LRRC28: variants seen among roughly 807,000 people sequenced by gnomAD.
LRRC28 encodes the protein leucine rich repeat containing 28.
Under a neutral mutation model 45.7 loss-of-function variants are expected in LRRC28, and 39 were observed. The ratio of observed to expected loss-of-function variants is 0.85; its 90% CI spans 0.66 to 1.12. The LOEUF (loss-of-function observed/expected upper bound fraction) is 1.12. Among genes scored for constraint, LRRC28 ranks in the 50% most tolerant of loss-of-function variants. The pLI is 0.00. For missense variants in LRRC28, 435 were observed against 438.5 expected (o/e 0.99, Z 0.07); for synonymous variants, 206 against 178.8 (o/e 1.15, Z -1.22).
chr15:99,263,086 G>A (rs1226505067), intron 2 of LRRC28, among the ~76,000 whole-genome samples: 1 of 150,536 alleles, frequency 6.6e-6, no homozygotes, highest in African/African-American at 2.4e-5. Context: ...GAGGCAGGCG[G>A]ATCACTTGAG....
rs1331909203 is a variant in LRRC28, at chr15:99,287,282, G to C, written c.235G>C (p.Val79Leu). The C allele has an allele frequency of 1.3e-6, 2 of 1,567,002 alleles. No individual in the cohort carries two copies. Among genetic ancestry groups the C allele is most frequent in the Non-Finnish European group, 1.7e-6 (2 of 1,159,496 alleles). The stretch of plus-strand genomic sequence containing the variant: ...ATACCTGCACTCAAATAACATAGTT[G>C]TGGTTCCGGAAGGTATGTTTAACTT... Reference protein sequence around the residue: ...ELYLHSNNIVVVPEAIGSLVK... With the variant: ...ELYLHSNNIVLVPEAIGSLVK... Residue 79 changes from valine to leucine, a missense_variant, in exon 4 of 10, where the codon GTG (valine) becomes CTG (leucine). Val to Leu is a conservative substitution (Grantham distance 32). Transcript: ENST00000301981.
intron 9 of LRRC28, among the ~76,000 whole-genome samples, chr15:99,385,310 T>TG (rs1000068749): frequency 6.6e-6 from 1 of 152,230 alleles, no homozygotes; most frequent in African/African-American, 2.4e-5. Flanking sequence ...CGGACTGTGT[T>TG]GGGGGTGAGG....
intron 2 of LRRC28, among the ~76,000 whole-genome samples, chr15:99,276,198 G>A (rs2152174418): frequency 6.6e-6 from 1 of 151,958 alleles, no homozygotes; most frequent in African/African-American, 2.4e-5. Context: ...ATGGTGAGTT[G>A]TATAATTATT....
At position 99,295,911 on chromosome 15, in the gene LRRC28, T is replaced by C. The variant is rs575200918; in HGVS notation, c.385+7960T>C. 1.8e-4 allele frequency among the ~76,000 whole-genome samples: 27 copies of C among 152,348 alleles called. No homozygotes were observed. The South Asian group carries it at 5.6e-3, about 32-fold the overall frequency. ...AATTTACTTTTTCTCCAGTTGAACC[T>C]CTGTAGGTTTATTGGAATGAAATTT... On this transcript the variant is annotated intron_variant, in intron 5 of 9. Transcript: ENST00000301981.
intron 5 of LRRC28, among the ~76,000 whole-genome samples, chr15:99,289,671 C>T (rs2082056561): frequency 1.3e-5 from 2 of 151,934 alleles, no homozygotes; most frequent in Admixed American, 6.6e-5. Context: ...CGGTGGCTCA[C>T]GCCTGTAATC....
At chr15:99,298,778 G>C (rs1455962060) in intron 5 of LRRC28, among the ~76,000 whole-genome samples, 1 of 152,062 alleles carries the variant, frequency 6.6e-6, no homozygotes, top group Non-Finnish European at 1.5e-5. Flanking sequence ...GTGCAATTTT[G>C]GCTCACTGCA....
At chr15:99,329,063 G>A (rs923167432) in intron 5 of LRRC28, among the ~76,000 whole-genome samples, 23 of 152,048 alleles carry the variant, frequency 1.5e-4, no homozygotes, top group Non-Finnish European at 1.6e-4. Context: ...CTCTAATACA[G>A]ATTTGGTATT....
At chr15:99,336,686 A>G (rs1377987524) in intron 6 of LRRC28, among the ~76,000 whole-genome samples, 2 of 152,162 alleles carry the variant, frequency 1.3e-5, no homozygotes, top group Non-Finnish European at 2.9e-5. Context: ...CATCTGGCCT[A>G]GTGTCAGTAG....
chr15:99,328,141 A>C (rs1215623734), intron 5 of LRRC28, among the ~76,000 whole-genome samples: 1 of 152,226 alleles, frequency 6.6e-6, no homozygotes, highest in African/African-American at 2.4e-5. Context: ...GTCCTGGAGA[A>C]TATACCATGT....
intron 9 of LRRC28, among the ~76,000 whole-genome samples, chr15:99,375,843 G>C (rs953960394): frequency 2.0e-5 from 3 of 151,850 alleles, no homozygotes; most frequent in African/African-American, 7.3e-5. Flanking sequence ...TAATTCGTGT[G>C]TTCTCTCTTT....
intron 5 of LRRC28, among the ~76,000 whole-genome samples, chr15:99,296,227 C>T (rs1459834232): frequency 6.6e-6 from 1 of 152,210 alleles, no homozygotes; most frequent in Non-Finnish European, 1.5e-5. Flanking sequence ...TTTGAATTCC[C>T]TGTGTTACAG....
At chr15:99,275,979 C>G (rs1308519065) in intron 2 of LRRC28, among the ~76,000 whole-genome samples, 2 of 152,114 alleles carry the variant, frequency 1.3e-5, no homozygotes, top group African/African-American at 4.8e-5. Flanking sequence ...GCTTGCATTA[C>G]CGCTTGAATG....
chr15:99,370,639 A>G (rs1425954183), intron 9 of LRRC28, among the ~76,000 whole-genome samples: 1 of 152,246 alleles, frequency 6.6e-6, no homozygotes, highest in Non-Finnish European at 1.5e-5. Context: ...CTAAAACTGT[A>G]TACATATTAA....
rs1169246568 is a variant in LRRC28, at chr15:99,271,835, A to G, written c.169-4741A>G. On this transcript the variant is annotated intron_variant, in intron 2 of 9. Coordinates refer to ENST00000301981, the MANE Select transcript of LRRC28 (RefSeq NM_144598.5). ...GCTGGTCTCGAACTCTTGACTTCAA[A>G]TGATCCACCCACTTTGGCCTCCCAA... is the stretch of plus-strand genomic sequence containing the variant. 6.6e-5 allele frequency among the ~76,000 whole-genome samples: 10 copies of G among 152,264 alleles called. No homozygotes were observed. In the East Asian group the frequency reaches 1.9e-3, roughly 30 times the overall value.
intron 2 of LRRC28, among the ~76,000 whole-genome samples, chr15:99,261,818 C>T (rs929508231): frequency 9.2e-5 from 14 of 151,966 alleles, no homozygotes; most frequent in East Asian, 3.9e-4. Flanking sequence ...CCACCACGCC[C>T]GGCTAATTTT....
chr15:99,344,643 GCATTTTTAAATTATCAACT>G (rs1310272052), intron 6 of LRRC28, among the ~76,000 whole-genome samples: 2 of 152,130 alleles, frequency 1.3e-5, no homozygotes. Flanking sequence ...GAACCTAATA[GCATTTTTAAATTATCAACT>G]CATTTTTTCC....
intron 1 of LRRC28, among the ~76,000 whole-genome samples, chr15:99,252,301 G>A (rs543087682): frequency 1.3e-5 from 2 of 152,224 alleles, no homozygotes; most frequent in Admixed American, 6.5e-5. Flanking sequence ...AAAACTGTGA[G>A]CATTGTTGAT....
chr15:99,355,932 T>G (rs1322883320), intron 7 of LRRC28, among the ~76,000 whole-genome samples: 2 of 152,196 alleles, frequency 1.3e-5, no homozygotes, highest in Non-Finnish European at 2.9e-5. Flanking sequence ...CATTTTTATG[T>G]AGGGGCTGCC....
intron 5 of LRRC28, among the ~76,000 whole-genome samples, chr15:99,313,750 T>A (rs1435332736): frequency 8.5e-5 from 13 of 152,084 alleles, no homozygotes; most frequent in African/African-American, 1.9e-4. Context: ...TTGGTTGACA[T>A]TTTTTTTCTT....
Sources: gnomAD v4.1 joint callset for allele counts (sites outside exome capture counted in the v4.1 genomes callset) on GRCh38, gnomAD v4.1.1 for gene constraint, MANE v1.5 for transcripts, NCBI Gene and HGNC (gene_info 2026-07-23, HGNC 2026-07-21) for gene names.